The following ICE1 variants were observed in gnomAD, a reference collection of about 807,000 sequenced individuals.
The protein encoded by ICE1 is interactor of little elongation complex ELL subunit 1.
A neutral mutation model predicts 192.7 loss-of-function variants in ICE1; 64 were observed. The ratio of observed to expected loss-of-function variants is 0.33; its 90% CI spans 0.27 to 0.41. The LOEUF is 0.41. ICE1 is among the 10% of genes least tolerant of loss of function. The pLI is 1.00. For synonymous variants in ICE1, 1,010 were observed against 984.5 expected (o/e 1.03, Z -0.49); for missense variants, 2,708 against 2,696.0 (o/e 1.00, Z -0.10).
chr5:5,448,504 ACT>A (rs1470197262), intron 10 of ICE1, among the ~76,000 whole-genome samples: 1 of 152,120 alleles, frequency 6.6e-6, no homozygotes. Flanking sequence ...TTGTTGTGTG[ACT>A]CTGCCATTTA....
At chr5:5,469,887 G>A (rs1381234140) in intron 15 of ICE1, among the ~76,000 whole-genome samples, 1 of 152,076 alleles carries the variant, frequency 6.6e-6, no homozygotes, top group African/African-American at 2.4e-5. Context: ...GTCATTTTGT[G>A]TCAGGAGAGA....
At chr5:5,459,277 G>T (rs1197715642) in intron 12 of ICE1, among the ~76,000 whole-genome samples, 1 of 152,188 alleles carries the variant, frequency 6.6e-6, no homozygotes, top group Non-Finnish European at 1.5e-5. Context: ...GCAGCATTTG[G>T]TGACATTTTT....
chr5:5,486,789 G>T lies in ICE1; in HGVS notation c.6589G>T (p.Gly2197Cys), dbSNP rs755899498. The T allele has an allele frequency of 6.3e-7, 1 of 1,599,754 alleles. No homozygotes were observed. The highest frequency in any genetic ancestry group is 8.5e-7 in the Non-Finnish European group (1 of 1,172,230). ...SAVKNISSVI[G>C]MFIQHAHDED... ...TGTGAAAAATATTAGTTCGGTTATT[G>T]GTATGTTTATACAGCATGCTCACGA... Residue 2197 changes from glycine to cysteine, a missense_variant, in exon 18 of 19, where the codon GGT (glycine) becomes TGT (cysteine). Gly to Cys is a radical substitution (Grantham distance 159, BLOSUM62 -3). Transcript: ENST00000296564.
chr5:5,481,807 T>C (rs1034573814), intron 17 of ICE1, among the ~76,000 whole-genome samples: 3 of 152,236 alleles, frequency 2.0e-5, no homozygotes, highest in African/African-American at 4.8e-5. Flanking sequence ...TCAAGTGTTA[T>C]AGTTGCCTCC....
rs1244337219 is a variant in ICE1 at position 5,475,962 on chromosome 5, T to C, written c.6414-11T>C. The C allele has an allele frequency of 6.5e-7, 1 of 1,545,742 alleles. No individual in the cohort carries two copies. The highest frequency in any genetic ancestry group is 8.9e-7 in the Non-Finnish European group (1 of 1,122,726). On this transcript the variant is annotated splice_polypyrimidine_tract_variant and intron_variant, in intron 16 of 18. Coordinates refer to ENST00000296564, the MANE Select transcript of ICE1 (RefSeq NM_015325.3). ...GATGAGCATACATCTTTTCATGTTGTTTTTTTATAGTAAGGAGCTGTGGCC... is the reference window on the plus strand; with the variant it reads ...GATGAGCATACATCTTTTCATGTTGCTTTTTTATAGTAAGGAGCTGTGGCC...
At chr5:5,465,582 T>C (rs529999637) in intron 13 of ICE1, among the ~76,000 whole-genome samples, 99 of 152,332 alleles carry the variant, frequency 6.5e-4, no homozygotes, top group African/African-American at 2.3e-3. Context: ...GAGTTTTTGT[T>C]ACAAATCAAA....
Position 5,461,639 on chromosome 5 carries a change from A to T in ICE1, c.2305A>T (p.Thr769Ser). The change falls in exon 13 of 19, where the codon ACA becomes TCA. Residue 769 changes from threonine (T) to serine (S), a missense_variant. Coordinates refer to ENST00000296564, the MANE Select transcript of ICE1 (RefSeq NM_015325.3). ...GCTCACACTAAATAAGCCAGATTTCACATCATTAATAGGTTCTCAGGCTGC... is the reference window on the plus strand; with the variant it reads ...GCTCACACTAAATAAGCCAGATTTCTCATCATTAATAGGTTCTCAGGCTGC... ...IELTLNKPDF[T>S]SLIGSQAALI... 6.2e-7 allele frequency: 1 copy of T among 1,613,718 alleles called. No individual in the cohort carries two copies. The highest frequency in any genetic ancestry group is 1.1e-5 in the South Asian group (1 of 90,988).
chr5:5,422,888 C>A lies in ICE1; in HGVS notation c.-28C>A. ...CGACGCCGCGGGCCCCTGAGGCGTG[C>A]GTGCCCACCGGGCCCGGCGGCGGCA... On this transcript the variant is annotated 5_prime_UTR_variant, in exon 1 of 19. Transcript: ENST00000296564. 1.5e-6 allele frequency: 2 copies of A among 1,348,890 alleles called. No homozygotes were observed. Among genetic ancestry groups the A allele is most frequent in the South Asian group, 1.8e-5 (1 of 56,080 alleles). 83.6% of individuals were successfully genotyped at this position (1,348,890 alleles called of 1,614,324 possible).
At chr5:5,424,956 T>C (rs1236327381) in intron 1 of ICE1, among the ~76,000 whole-genome samples, 2 of 152,098 alleles carry the variant, frequency 1.3e-5, no homozygotes, top group East Asian at 1.9e-4. Flanking sequence ...ATGGAAATGG[T>C]GAGTCATTGG....
rs1738292161 is a variant in ICE1 at position 5,448,021 on chromosome 5, A to G, written c.604+124A>G. 6.0e-6 allele frequency: 4 copies of G among 664,384 alleles called. No individual in the cohort carries two copies. In the East Asian group the frequency reaches 1.1e-4, roughly 18 times the overall value. 41.2% of individuals were successfully genotyped at this position (664,384 alleles called of 1,614,324 possible). A position where few individuals can be genotyped will look rare whatever the true frequency, so the allele number is the denominator to read the frequency against. Reference sequence around the variant, plus strand: ...CTTAGTAGATGTTTCGTTTTAGTAGAAGTCATATATTATTGTGTCTTCATT... The same window carrying G: ...CTTAGTAGATGTTTCGTTTTAGTAGGAGTCATATATTATTGTGTCTTCATT... On this transcript the variant is annotated intron_variant, in intron 10 of 18. Coordinates refer to ENST00000296564, the MANE Select transcript of ICE1 (RefSeq NM_015325.3).
chr5:5,465,721 A>T (rs1370796852), intron 13 of ICE1, among the ~76,000 whole-genome samples: 1 of 152,210 alleles, frequency 6.6e-6, no homozygotes, highest in Non-Finnish European at 1.5e-5. Flanking sequence ...GATGACTTCT[A>T]GTGCTAGACG....
Position 5,462,143 on chromosome 5 carries a change from T to C in ICE1, c.2809T>C (p.Phe937Leu). 6.2e-7 allele frequency: 1 copy of C among 1,613,912 alleles called. No individual in the cohort carries two copies. Among genetic ancestry groups the C allele is most frequent in the Non-Finnish European group, 8.5e-7 (1 of 1,179,802 alleles). Residue 937 changes from phenylalanine (F) to leucine (L), a missense_variant, in exon 13 of 19, where the codon TTT becomes CTT. Transcript: ENST00000296564. Reference sequence around the variant, plus strand: ...TTCTGCCTCTAGGAGAAAATTAGATTTTAATTCTCCAGGTGGTTCTTCACC... The same window carrying C: ...TTCTGCCTCTAGGAGAAAATTAGATCTTAATTCTCCAGGTGGTTCTTCACC... ...EVSASRRKLD[F>L]NSPGGSSPVE...
At chr5:5,452,417 C>A (rs1373117191) in intron 10 of ICE1, among the ~76,000 whole-genome samples, 1 of 152,044 alleles carries the variant, frequency 6.6e-6, no homozygotes, top group African/African-American at 2.4e-5. Flanking sequence ...GGAATAAGAA[C>A]AACCCATTCT....
chr5:5,463,853 A>C lies in ICE1; in HGVS notation c.4519A>C (p.Lys1507Gln), dbSNP rs770840010. The C allele has an allele frequency of 1.9e-6, 3 of 1,613,854 alleles. No individual in the cohort carries two copies. The highest frequency in any genetic ancestry group is 1.7e-6 in the Non-Finnish European group (2 of 1,179,876). The change falls in exon 13 of 19, where the codon AAG becomes CAG. Residue 1507 changes from lysine to glutamine, a missense_variant. Transcript: ENST00000296564. ...SSSGQSTNFD[K>Q]SRLRNRPVKP... The stretch of plus-strand genomic sequence containing the variant: ...CAGTGGTCAGAGCACCAACTTTGAT[A>C]AGAGTCGTTTGCGAAATAGACCCGT...
intron 10 of ICE1, 90 bp from the exon 11 acceptor site, chr5:5,454,462 C>G: frequency 1.2e-6 from 1 of 814,214 alleles, no homozygotes; most frequent in Non-Finnish European, 2.1e-6. Context: ...TTCTAAGTCC[C>G]TAATAAACCC....
chr5:5,461,699 A>G lies in ICE1; in HGVS notation c.2365A>G (p.Thr789Ala), dbSNP rs1184217319. Reference sequence around the variant, plus strand: ...GAGTGGTTTGGGTTTTGTTAAAAGTACTTCATGGCACCATAGTGATTTATT... The same window carrying G: ...GAGTGGTTTGGGTTTTGTTAAAAGTGCTTCATGGCACCATAGTGATTTATT... The part of the protein sequence containing the change: ...IKSGLGFVKS[T>A]SWHHSDLLRK... Residue 789 changes from threonine (T) to alanine (A), a missense_variant, in exon 13 of 19, where the codon ACT (threonine) becomes GCT (alanine). Thr to Ala is a moderately conservative substitution (Grantham distance 58). Transcript: ENST00000296564. 1.2e-6 allele frequency: 2 copies of G among 1,613,862 alleles called. No homozygotes were observed. Among genetic ancestry groups the G allele is most frequent in the South Asian group, 1.1e-5 (1 of 91,050 alleles).
chr5:5,459,253 A>T (rs1738682965), intron 12 of ICE1, among the ~76,000 whole-genome samples: 1 of 152,292 alleles, frequency 6.6e-6, no homozygotes, highest in East Asian at 1.9e-4. Flanking sequence ...GAAAAATGTT[A>T]TGAGGTCAAA....
At position 5,462,943 on chromosome 5, in the gene ICE1, T is replaced by G; in HGVS notation, c.3609T>G (p.Ser1203Arg). ...VSECSSKGTL[S>R]KEMNKELKAS... The stretch of plus-strand genomic sequence containing the variant: ...AATGTTCTAGTAAAGGAACCCTAAG[T>G]AAAGAAATGAACAAAGAATTAAAGG... The change falls in exon 13 of 19, where the codon AGT becomes AGG. Residue 1203 changes from serine (S) to arginine (R), a missense_variant. Transcript: ENST00000296564. 1 of 1,611,512 alleles carries G rather than the reference T, an allele frequency of 6.2e-7. No individual in the cohort carries two copies. Among genetic ancestry groups the G allele is most frequent in the Middle Eastern group, 1.7e-4 (1 of 6,060 alleles).
intron 14 of ICE1, 60 bp downstream of exon 14, chr5:5,466,562 C>T: frequency 7.4e-7 from 1 of 1,354,722 alleles, no homozygotes; most frequent in Non-Finnish European, 1.0e-6. Context: ...TTCCCTTATA[C>T]TGGAGTCTAT....
Sources: gnomAD v4.1 joint callset for allele counts (sites outside exome capture counted in the v4.1 genomes callset) on GRCh38, gnomAD v4.1.1 for gene constraint, MANE v1.5 for transcripts, NCBI Gene and HGNC (gene_info 2026-07-23, HGNC 2026-07-21) for gene names.